Variants in TMEM232 observed in about 807,000 individuals in gnomAD.
TMEM232 encodes transmembrane protein 232.
In TMEM232, 80 loss-of-function variants were observed where a neutral mutation model predicts 78.8. That is an observed-to-expected ratio of 1.01 (90% CI 0.85 to 1.22). The LOEUF (loss-of-function observed/expected upper bound fraction) is 1.22, where lower values mean the gene tolerates loss of function less well. TMEM232 is among the 50% of genes most tolerant of loss of function. The probability of loss-of-function intolerance (pLI) is 0.00; values close to 1 mark genes in which losing one functional copy is unlikely to be tolerated. For synonymous variants in TMEM232, 297 were observed against 254.3 expected, an observed-to-expected ratio of 1.17 and a Z score of -1.60; for missense variants, 881 against 742.2, an observed-to-expected ratio of 1.19 and a Z score of -2.17.
chr5:110,647,286 G>T (rs1787630057), intron 2 of TMEM232, among the ~76,000 whole-genome samples: 1 of 151,852 alleles, frequency 6.6e-6, no homozygotes, highest in Admixed American at 6.6e-5. Context: ...TGCCAATCTT[G>T]TCAAGACTTA....
intron 1 of TMEM232, among the ~76,000 whole-genome samples, chr5:110,668,951 C>T (rs1342067404): frequency 1.3e-5 from 2 of 152,118 alleles, no homozygotes; most frequent in Non-Finnish European, 2.9e-5. Flanking sequence ...ACACAACATA[C>T]CAGAATCTCT....
At chr5:110,507,651 A>G (rs1040385740) in intron 12 of TMEM232, among the ~76,000 whole-genome samples, 1 of 152,202 alleles carries the variant, frequency 6.6e-6, no homozygotes, top group Non-Finnish European at 1.5e-5. Flanking sequence ...CCAGCCAGAA[A>G]TAGTTCCATC....
intron 12 of TMEM232, among the ~76,000 whole-genome samples, chr5:110,524,406 AGAAAGAAAGAAAAG>A (rs1770189332): frequency 1.5e-5 from 1 of 64,832 alleles, no homozygotes; most frequent in East Asian, 6.4e-4. Context: ...AAAGAAAGAA[AGAAAGAAAGAAAAG>A]AAAAGAAAAG....
intron 10 of TMEM232, among the ~76,000 whole-genome samples, chr5:110,576,414 G>A (rs1036925942): frequency 2.6e-5 from 4 of 152,066 alleles, no homozygotes; most frequent in African/African-American, 9.7e-5. Context: ...AACATTCCAT[G>A]CTTATAGATA....
At chr5:110,467,845 A>G (rs1022338812) in intron 12 of TMEM232, among the ~76,000 whole-genome samples, 3 of 152,052 alleles carry the variant, frequency 2.0e-5, no homozygotes, top group African/African-American at 7.2e-5. Context: ...ACACATCCCA[A>G]GGTTCTTCTA....
At chr5:110,552,155 G>A (rs977713901) in intron 11 of TMEM232, among the ~76,000 whole-genome samples, 6 of 152,008 alleles carry the variant, frequency 3.9e-5, no homozygotes, top group African/African-American at 1.2e-4. Flanking sequence ...AACAATAAAT[G>A]TTCTAAAGTT....
Position 110,726,623 on chromosome 5 carries a change from T to G in TMEM232, c.-13+4A>C, listed in dbSNP as rs1326648374. On this transcript the variant is annotated splice_donor_region_variant and intron_variant, in intron 1 of 13. Coordinates refer to ENST00000455884, the MANE Select transcript of TMEM232 (RefSeq NM_001039763.4). ...ATCTGAAGCAGGACCTCTTAATCAC[T>G]CACCGCTGCGCTCTGAGCCGCTGGG... 6.6e-6 allele frequency: 1 copy of G among 152,182 alleles called. No individual in the cohort carries two copies. The highest frequency in any genetic ancestry group is 1.5e-5 in the Non-Finnish European group (1 of 68,058). 9.4% of individuals were successfully genotyped at this position (152,182 alleles called of 1,614,324 possible). A position where few individuals can be genotyped will look rare whatever the true frequency, so the allele number is the denominator to read the frequency against.
chr5:110,643,616 T>C (rs1268114729), intron 2 of TMEM232, among the ~76,000 whole-genome samples: 2 of 152,114 alleles, frequency 1.3e-5, no homozygotes, highest in African/African-American at 4.8e-5. Flanking sequence ...AGTAAAATTA[T>C]TGTTGGAGTC....
chr5:110,478,614 G>A (rs1763516842), intron 12 of TMEM232, among the ~76,000 whole-genome samples: 1 of 151,880 alleles, frequency 6.6e-6, no homozygotes, highest in African/African-American at 2.4e-5. Flanking sequence ...TGTTAAACGT[G>A]AAGTGGAAGA....
At chr5:110,423,600 C>A (rs1252732192) in intron 13 of TMEM232, among the ~76,000 whole-genome samples, 5 of 152,022 alleles carry the variant, frequency 3.3e-5, no homozygotes, top group African/African-American at 1.2e-4. Context: ...ATTTATTTAT[C>A]CTTCTTTAGC....
chr5:110,498,483 A>C (rs868090464), intron 12 of TMEM232, among the ~76,000 whole-genome samples: 11 of 152,270 alleles, frequency 7.2e-5, no homozygotes, highest in African/African-American at 2.2e-4. Context: ...AAAGTAGCTT[A>C]ATTTGAATTA....
rs184093273 is a variant in TMEM232, at chr5:110,618,446, C to T, written c.885G>A (p.Gln295=). The T allele has an allele frequency of 6.4e-6, 10 of 1,550,638 alleles. No individual in the cohort carries two copies. Among genetic ancestry groups the T allele is most frequent in the Admixed American group, 2.0e-5 (1 of 50,746 alleles). ...ACTCTTACCAGCATTTCTTTTGAAGCTGTGTCTTATGGAAGACGAGATGTT... is the reference window on the plus strand; with the variant it reads ...ACTCTTACCAGCATTTCTTTTGAAGTTGTGTCTTATGGAAGACGAGATGTT... ...VLEHLVFHKT[Q]LQKKCWLDSV... is the part of the protein sequence containing the mutation. The change falls in exon 8 of 14, where the codon CAG becomes CAA. Residue 295 remains glutamine, a synonymous_variant. Coordinates refer to ENST00000455884, the MANE Select transcript of TMEM232 (RefSeq NM_001039763.4).
chr5:110,605,438 G>A, intron 9 of TMEM232, 80 bp from the exon 10 acceptor site: 1 of 1,413,790 alleles, frequency 7.1e-7, no homozygotes, highest in Non-Finnish European at 9.4e-7. Flanking sequence ...TATAATAATT[G>A]TTAAAAGACC....
Position 110,627,857 on chromosome 5 carries a change from T to A in TMEM232, c.525A>T (p.Arg175=), listed in dbSNP as rs544676239. ...LAKIGYLVFL[R]LFIFFLHGHL... ...GACCATGCAGGAAAAATATAAAAAG[T>A]CGTAAGAAGACCAAATAGCCAATCT... Residue 175 remains arginine, a synonymous_variant, in exon 6 of 14, where the codon CGA becomes CGT. Transcript: ENST00000455884. The A allele has an allele frequency of 6.5e-7, 1 of 1,535,040 alleles. No homozygotes were observed. The highest frequency in any genetic ancestry group is 2.2e-5 in the Admixed American group (1 of 46,042).
intron 2 of TMEM232, among the ~76,000 whole-genome samples, chr5:110,647,269 T>C (rs1481267309): frequency 1.3e-5 from 2 of 151,916 alleles, no homozygotes; most frequent in Non-Finnish European, 2.9e-5. Flanking sequence ...TGACCCATCA[T>C]AGTTTGTGCC....
chr5:110,449,741 A>G (rs1760063595), intron 12 of TMEM232, among the ~76,000 whole-genome samples: 1 of 152,176 alleles, frequency 6.6e-6, no homozygotes, highest in South Asian at 2.1e-4. Flanking sequence ...TCGGTTCTGT[A>G]TCAGATTGTG....
At chr5:110,718,622 T>G (rs533617633) in intron 1 of TMEM232, among the ~76,000 whole-genome samples, 2 of 152,206 alleles carry the variant, frequency 1.3e-5, no homozygotes, top group South Asian at 4.1e-4. Flanking sequence ...TTCTTAGGTG[T>G]GAAGATTAAT....
At chr5:110,452,973 C>G (rs567380858) in intron 12 of TMEM232, among the ~76,000 whole-genome samples, 1 of 152,260 alleles carries the variant, frequency 6.6e-6, no homozygotes, top group South Asian at 2.1e-4. Context: ...ATTGAAGTAC[C>G]TGGAAAACTA....
At chr5:110,471,234 T>G (rs1013249509) in intron 12 of TMEM232, among the ~76,000 whole-genome samples, 2 of 152,094 alleles carry the variant, frequency 1.3e-5, no homozygotes, top group African/African-American at 4.8e-5. Context: ...TGAAAAACAG[T>G]GAAGACAGTA....
Sources: gnomAD v4.1 joint callset for allele counts (sites outside exome capture counted in the v4.1 genomes callset) on GRCh38, gnomAD v4.1.1 for gene constraint, MANE v1.5 for transcripts, NCBI Gene and HGNC (gene_info 2026-07-23, HGNC 2026-07-21) for gene names.